Variants in NPAS2 observed in about 807,000 individuals in gnomAD.
NPAS2 encodes neuronal PAS domain-containing protein 2.
Under a neutral mutation model 107.5 loss-of-function variants are expected in NPAS2, and 23 were observed. The observed-to-expected ratio is 0.21, with a 90% confidence interval of 0.15 to 0.30. NPAS2 has a LOEUF of 0.30. Ranked by LOEUF, NPAS2 falls within the 10% of genes least tolerant of loss-of-function variation. NPAS2 has a pLI of 1.00. For synonymous variants in NPAS2, 403 were observed against 417.5 expected (o/e 0.97, Z 0.42); for missense variants, 756 against 1,043.3 (o/e 0.72, Z 3.79).
chr2:100,904,711 A>ATTTTTTT, intron 1 of NPAS2, 22 bp from the exon 2 acceptor site: 1 of 1,267,318 alleles, frequency 7.9e-7, no homozygotes, highest in African/African-American at 1.6e-5. Flanking sequence ...ATTCTTTTTA[A>ATTTTTTT]TTTTTTTTTT....
At chr2:100,929,546 G>T (rs1414425574) in intron 3 of NPAS2, among the ~76,000 whole-genome samples, 1 of 152,174 alleles carries the variant, frequency 6.6e-6, no homozygotes, top group Non-Finnish European at 1.5e-5. Context: ...ATCTCTAGGG[G>T]TGGGACCACA....
intron 1 of NPAS2, among the ~76,000 whole-genome samples, chr2:100,875,592 C>T (rs1679911585): frequency 1.3e-5 from 2 of 152,134 alleles, no homozygotes; most frequent in East Asian, 1.9e-4. Flanking sequence ...CTACACAGCG[C>T]GGCTCCTGGA....
intron 1 of NPAS2, among the ~76,000 whole-genome samples, chr2:100,866,273 A>C (rs1679249582): frequency 1.3e-5 from 2 of 152,214 alleles, no homozygotes; most frequent in South Asian, 4.1e-4. Flanking sequence ...GTTTGTCAAG[A>C]GCAGGCGACT....
chr2:100,818,934 C>G (rs933935023), upstream of NPAS2, among the ~76,000 whole-genome samples: 7 of 152,184 alleles, frequency 4.6e-5, no homozygotes, highest in African/African-American at 1.4e-4. Context: ...GTTTCCGGAC[C>G]TCGGCGGGGC....
chr2:100,946,029 G>A (rs757695653), intron 5 of NPAS2, among the ~76,000 whole-genome samples: 2 of 152,182 alleles, frequency 1.3e-5, no homozygotes, highest in East Asian at 1.9e-4. Context: ...AGAGGGAGGC[G>A]GAATGCTCAA....
chr2:100,985,816 G>A (rs1194938038), intron 16 of NPAS2: 1 of 152,016 alleles, frequency 6.6e-6, no homozygotes, highest in African/African-American at 2.4e-5. Flanking sequence ...GCTTTGAAAA[G>A]TTATTAAAAT....
rs571085706 is a variant in NPAS2 at position 100,846,826 on chromosome 2, C to T, written c.-23+26412C>T. On this transcript the variant is annotated intron_variant, in intron 1 of 20. Coordinates refer to ENST00000335681, the MANE Select transcript of NPAS2 (RefSeq NM_002518.4). ...TTAACTCATCTACTCATGCTATTCT[C>T]ATTTTATAGCTTGTAAACTGAGGCC... The T allele has an allele frequency of 3.9e-5, 6 of 152,264 alleles. No homozygotes were observed. The East Asian group carries it at 7.7e-4, about 20-fold the overall frequency. 9.4% of individuals were successfully genotyped at this position (152,264 alleles called of 1,614,324 possible).
intron 7 of NPAS2, among the ~76,000 whole-genome samples, chr2:100,954,164 C>T (rs76082620): frequency 0.073 from 11,043 of 152,064 alleles, 487 homozygotes; most frequent in South Asian, 0.12. Context: ...GGTGTCTGCC[C>T]GGGGATTGGT....
chr2:100,958,834 G>A (rs1400035830), intron 7 of NPAS2, among the ~76,000 whole-genome samples: 1 of 151,952 alleles, frequency 6.6e-6, no homozygotes, highest in Non-Finnish European at 1.5e-5. Flanking sequence ...ACCGTCTAGT[G>A]GATATCTTCT....
At position 100,949,237 on chromosome 2, in the gene NPAS2, C is replaced by A. The variant is rs111548078; in HGVS notation, c.485-130C>A. On this transcript the variant is annotated intron_variant, in intron 6 of 20. Transcript: ENST00000335681. ...TTACAAACCAGGCCCAAAAGTCAGTCGTAGTGAGAGAACTAGCCTGGCCAT... is the reference window on the plus strand; with the variant it reads ...TTACAAACCAGGCCCAAAAGTCAGTAGTAGTGAGAGAACTAGCCTGGCCAT... 2.4e-3 allele frequency: 1,575 copies of A among 667,488 alleles called. 29 individuals are homozygous for A. The African/African-American group carries it at 0.025, about 11-fold the overall frequency. The allele number at this position is 667,488 out of a possible 1,614,324, so 41.3% of individuals were successfully genotyped here.
intron 5 of NPAS2, 149 bp downstream of exon 5, chr2:100,937,991 A>G: frequency 1.4e-6 from 1 of 709,856 alleles, no homozygotes; most frequent in South Asian, 1.6e-5. Context: ...TTTTGGGGAC[A>G]GGACCAGGCC....
chr2:100,988,066 AT>A lies in NPAS2; in HGVS notation c.1630-11del. 6.2e-7 allele frequency: 1 copy of A among 1,613,096 alleles called. No homozygotes were observed. Among genetic ancestry groups the A allele is most frequent in the South Asian group, 1.1e-5 (1 of 91,000 alleles). On this transcript the variant is annotated splice_polypyrimidine_tract_variant and intron_variant, in intron 16 of 20. Transcript: ENST00000335681. ...TGACCCCAACTTCACAGGCATTTCT[AT>A]TCTGCTCCCAGATGTTCCTGCAGCA...
At chr2:100,818,776 C>T (rs1422658422), upstream of NPAS2, among the ~76,000 whole-genome samples, 2 of 152,224 alleles carry the variant, frequency 1.3e-5, no homozygotes, top group African/African-American at 2.4e-5. Flanking sequence ...CTGCCACGCT[C>T]GGAGCGCTGC....
chr2:100,872,124 T>C (rs1679623783), intron 1 of NPAS2, among the ~76,000 whole-genome samples: 1 of 152,214 alleles, frequency 6.6e-6, no homozygotes, highest in South Asian at 2.1e-4. Flanking sequence ...TAATTTGTAC[T>C]GGAAACCATC....
At chr2:100,829,105 C>T (rs1676565960) in intron 1 of NPAS2, among the ~76,000 whole-genome samples, 1 of 151,258 alleles carries the variant, frequency 6.6e-6, no homozygotes, top group Admixed American at 6.6e-5. Flanking sequence ...TTGTAGAGAT[C>T]TTTCACCTCT....
chr2:100,936,979 CA>C (rs34968729), intron 4 of NPAS2, among the ~76,000 whole-genome samples: 19,185 of 74,546 alleles, frequency 0.26, 884 homozygotes, highest in East Asian at 0.34. Flanking sequence ...GACTCCATCT[CA>C]AAAAAAAAAA....
intron 1 of NPAS2, among the ~76,000 whole-genome samples, chr2:100,855,206 T>C (rs1678479489): frequency 6.6e-6 from 1 of 152,202 alleles, no homozygotes; most frequent in Non-Finnish European, 1.5e-5. Context: ...CTTAAGTCAC[T>C]ATCCACTGGG....
chr2:100,937,679 T>C (rs914123776), intron 4 of NPAS2, 74 bp from the exon 5 acceptor site: 8 of 1,011,814 alleles, frequency 7.9e-6, no homozygotes, highest in Admixed American at 1.7e-5. Context: ...CCTAAAATAG[T>C]GTCCTCTGCA....
intron 1 of NPAS2, among the ~76,000 whole-genome samples, chr2:100,860,032 T>A (rs1270508702): frequency 6.6e-6 from 1 of 152,228 alleles, no homozygotes; most frequent in African/African-American, 2.4e-5. Flanking sequence ...ATACAGTATT[T>A]CTTTCTAATG....
Sources: allele counts gnomAD v4.1 joint callset (sites outside exome capture counted in the v4.1 genomes callset), GRCh38; gene constraint gnomAD v4.1.1; transcripts MANE v1.5; gene names NCBI Gene and HGNC (gene_info 2026-07-23, HGNC 2026-07-21).